The following ZNF385D variants were observed in gnomAD, a reference collection of about 807,000 sequenced individuals.
ZNF385D encodes the protein zinc finger protein 659.
ZNF385D carries 15 observed loss-of-function variants against 35.8 expected under a neutral mutation model. The observed-to-expected ratio is 0.42, with a 90% confidence interval of 0.28 to 0.64. The LOEUF is 0.64. Ranked by LOEUF, ZNF385D falls within the 30% of genes least tolerant of loss-of-function variation. ZNF385D has a pLI of 0.23. For synonymous variants in ZNF385D, 212 were observed against 186.8 expected, an observed-to-expected ratio of 1.13 and a Z score of -1.10; for missense variants, 474 against 494.6, an observed-to-expected ratio of 0.96 and a Z score of 0.39.
intron 3 of ZNF385D, among the ~76,000 whole-genome samples, chr3:21,773,678 C>T (rs2071171026): frequency 6.6e-6 from 1 of 151,708 alleles, no homozygotes; most frequent in Non-Finnish European, 1.5e-5. Context: ...ACAAGCCCAC[C>T]ATCCCTGATC....
intron 2 of ZNF385D, among the ~76,000 whole-genome samples, chr3:22,242,262 T>C (rs1699541015): frequency 6.6e-6 from 1 of 151,042 alleles, no homozygotes; most frequent in Admixed American, 6.6e-5. Flanking sequence ...CCTAAGAAGG[T>C]GATTACTGTT....
At chr3:22,247,605 C>CA (rs1699852026) in intron 2 of ZNF385D, among the ~76,000 whole-genome samples, 1 of 133,346 alleles carries the variant, frequency 7.5e-6, no homozygotes, top group African/African-American at 3.2e-5. Context: ...ATATACCAAC[C>CA]ATTTTACAAT....
chr3:21,743,935 AT>A (rs2069639351), intron 1 of ZNF385D, among the ~76,000 whole-genome samples: 1 of 152,244 alleles, frequency 6.6e-6, no homozygotes, highest in South Asian at 2.1e-4. Context: ...ACACAAACGC[AT>A]ATTGGATCCC....
At chr3:22,293,476 T>C (rs1575056659) in intron 2 of ZNF385D, among the ~76,000 whole-genome samples, 1 of 152,236 alleles carries the variant, frequency 6.6e-6, no homozygotes, top group African/African-American at 2.4e-5. Flanking sequence ...AGAGTCCTCT[T>C]TGTTCAATGA....
intron 3 of ZNF385D, among the ~76,000 whole-genome samples, chr3:21,555,459 C>G (rs75864293): frequency 0.027 from 4,032 of 152,128 alleles, 133 homozygotes; most frequent in South Asian, 0.13. Flanking sequence ...TGAGAACATG[C>G]AGTGTGTGGT....
At chr3:22,315,822 A>G (rs1216482007) in intron 2 of ZNF385D, among the ~76,000 whole-genome samples, 1 of 152,052 alleles carries the variant, frequency 6.6e-6, no homozygotes, top group Non-Finnish European at 1.5e-5. Context: ...CCTCCCTAAA[A>G]CTGATCCCCT....
intron 2 of ZNF385D, among the ~76,000 whole-genome samples, chr3:21,565,162 T>C (rs567585373): frequency 6.6e-6 from 1 of 152,208 alleles, no homozygotes; most frequent in East Asian, 1.9e-4. Context: ...GACTCTATAA[T>C]ATACAAGTCC....
intron 2 of ZNF385D, among the ~76,000 whole-genome samples, chr3:22,354,891 A>G (rs1229158674): frequency 6.6e-6 from 1 of 152,064 alleles, no homozygotes; most frequent in Non-Finnish European, 1.5e-5. Context: ...CCACATTTCA[A>G]ATGCTCAATA....
intron 1 of ZNF385D, among the ~76,000 whole-genome samples, chr3:21,725,702 C>G (rs1037933445): frequency 6.6e-6 from 1 of 152,060 alleles, no homozygotes; most frequent in South Asian, 2.1e-4. Context: ...GCCTACCAAC[C>G]AAAGAAAGTC....
At chr3:22,278,352 G>C (rs1385826143) in intron 2 of ZNF385D, among the ~76,000 whole-genome samples, 1 of 152,056 alleles carries the variant, frequency 6.6e-6, no homozygotes, top group African/African-American at 2.4e-5. Flanking sequence ...ATCCACTATA[G>C]AAGTCTTTGG....
intron 1 of ZNF385D, among the ~76,000 whole-genome samples, chr3:21,726,854 G>A (rs11916473): frequency 0.14 from 20,903 of 152,064 alleles, 1,481 homozygotes; most frequent in Middle Eastern, 0.22. Flanking sequence ...AAAAGAGCCC[G>A]CATAGCCAAG....
intron 3 of ZNF385D, among the ~76,000 whole-genome samples, chr3:21,860,212 C>G (rs9880992): frequency 0.019 from 2,933 of 152,134 alleles, 100 homozygotes; most frequent in African/African-American, 0.066. Context: ...TGTAAAGAGA[C>G]AGATATTAAT....
chr3:21,748,329 C>G (rs1041230132), intron 1 of ZNF385D, among the ~76,000 whole-genome samples: 2 of 150,228 alleles, frequency 1.3e-5, no homozygotes, highest in African/African-American at 2.5e-5. Flanking sequence ...AGGGCAGGGT[C>G]CAGTTGTCCA....
At chr3:21,997,768 G>T (rs149748523) in intron 3 of ZNF385D, among the ~76,000 whole-genome samples, 54 of 152,166 alleles carry the variant, frequency 3.5e-4, no homozygotes, top group African/African-American at 1.2e-3. Context: ...ATATTATAAA[G>T]TAGGAATGTG....
At chr3:22,044,362 G>A (rs1422034845) in intron 3 of ZNF385D, among the ~76,000 whole-genome samples, 2 of 151,962 alleles carry the variant, frequency 1.3e-5, no homozygotes, top group African/African-American at 4.8e-5. Context: ...CTGCTTGATC[G>A]AATCACATCC....
At chr3:22,279,701 G>C (rs1041993654) in intron 2 of ZNF385D, among the ~76,000 whole-genome samples, 9 of 151,188 alleles carry the variant, frequency 6.0e-5, no homozygotes, top group African/African-American at 2.2e-4. Context: ...GAGAATTTGG[G>C]CTGGTGCCAT....
At chr3:22,164,482 C>T (rs1474419695) in intron 3 of ZNF385D, among the ~76,000 whole-genome samples, 4 of 151,744 alleles carry the variant, frequency 2.6e-5, no homozygotes, top group Non-Finnish European at 5.9e-5. Context: ...CCCCTGTGAT[C>T]TCCCAAAGTG....
At chr3:21,483,597 T>C (rs1357072708) in intron 4 of ZNF385D, among the ~76,000 whole-genome samples, 1 of 152,190 alleles carries the variant, frequency 6.6e-6, no homozygotes, top group Non-Finnish European at 1.5e-5. Context: ...GGATTTGTTA[T>C]TTATTTTACA....
chr3:22,131,966 A>G (rs990632270), intron 3 of ZNF385D, among the ~76,000 whole-genome samples: 1 of 152,192 alleles, frequency 6.6e-6, no homozygotes, highest in South Asian at 2.1e-4. Context: ...CTGAACAAAC[A>G]TATTAAGTAT....
Sources: allele counts gnomAD v4.1 joint callset (sites outside exome capture counted in the v4.1 genomes callset), GRCh38; gene constraint gnomAD v4.1.1; transcripts MANE v1.5; gene names NCBI Gene and HGNC (gene_info 2026-07-23, HGNC 2026-07-21).